Variants in SCTR observed in about 807,000 individuals in gnomAD.
The protein encoded by SCTR is pancreatic secretin receptor.
SCTR carries 56 observed loss-of-function variants against 60.8 expected under a neutral mutation model. The ratio of observed to expected loss-of-function variants is 0.92; its 90% confidence interval spans 0.74 to 1.15. The LOEUF is 1.15. Among genes scored for constraint, SCTR ranks in the 50% most tolerant of loss-of-function variants. The probability of loss-of-function intolerance (pLI) is 0.00; values close to 1 mark genes in which losing one functional copy is unlikely to be tolerated. For missense variants in SCTR, 562 were observed against 550.4 expected (o/e 1.02, Z -0.21); for synonymous variants, 202 against 217.0 (o/e 0.93, Z 0.61).
chr2:119,508,289 ATCCT>A (rs1678816919), intron 1 of SCTR, among the ~76,000 whole-genome samples: 1 of 149,954 alleles, frequency 6.7e-6, no homozygotes, highest in African/African-American at 2.5e-5. Context: ...GACTAAACTT[ATCCT>A]GGAGTTTGCT....
intron 2 of SCTR, among the ~76,000 whole-genome samples, chr2:119,482,752 T>A (rs2104863325): frequency 6.6e-6 from 1 of 152,216 alleles, no homozygotes; most frequent in African/African-American, 2.4e-5. Context: ...CCTACCCAGA[T>A]GCCTGTGGGA....
chr2:119,507,419 C>A (rs564319898), intron 1 of SCTR, among the ~76,000 whole-genome samples: 15 of 152,156 alleles, frequency 9.9e-5, no homozygotes, highest in African/African-American at 3.4e-4. Context: ...GGTAGACAAC[C>A]AATGTGTGTG....
At chr2:119,503,158 CA>C (rs61479294) in intron 1 of SCTR, among the ~76,000 whole-genome samples, 16,853 of 69,338 alleles carry the variant, frequency 0.24, 504 homozygotes, top group East Asian at 0.35. Flanking sequence ...GACTCCATCT[CA>C]AAAAAAAAAA....
In SCTR at chr2:119,478,831, C is replaced by T. The variant is rs754380731; in HGVS notation, c.281G>A (p.Arg94Gln). The change falls in exon 3 of 13, where the codon CGG becomes CAG. Residue 94 changes from arginine (R) to glutamine (Q), a missense_variant. Coordinates refer to ENST00000019103, the MANE Select transcript of SCTR (RefSeq NM_002980.3). ...GTTACCATTTCTGCTGGTGAGCATC[C>T]GGAGGAATCTCGGGCATTCCACCTC... ...MVEVECPRFL[R>Q]MLTSRNGSLF... 1.4e-5 allele frequency: 22 copies of T among 1,614,006 alleles called. No homozygotes were observed. Among genetic ancestry groups the T allele is most frequent in the East Asian group, 6.7e-5 (3 of 44,886 alleles).
intron 12 of SCTR, 118 bp from the exon 13 acceptor site, chr2:119,440,375 C>T (rs1279286431): frequency 1.7e-6 from 2 of 1,190,024 alleles, no homozygotes; most frequent in Non-Finnish European, 2.3e-6. Context: ...TGCCCTGTCC[C>T]CTAGCCTGCA....
chr2:119,447,632 C>T (rs931623169), intron 10 of SCTR, among the ~76,000 whole-genome samples: 9 of 152,268 alleles, frequency 5.9e-5, no homozygotes, highest in African/African-American at 9.6e-5. Flanking sequence ...AGTGCAGTGG[C>T]GCAATCGCGG....
At chr2:119,523,390 C>CGCT (rs1291189897) in intron 1 of SCTR, among the ~76,000 whole-genome samples, 2 of 132,560 alleles carry the variant, frequency 1.5e-5, no homozygotes, top group African/African-American at 2.9e-5. Context: ...CCCATCCTGC[C>CGCT]GCTATTATTA....
At chr2:119,491,313 G>T (rs563689981) in intron 2 of SCTR, among the ~76,000 whole-genome samples, 1 of 152,240 alleles carries the variant, frequency 6.6e-6, no homozygotes, top group African/African-American at 2.4e-5. Flanking sequence ...AGCCCCTGTG[G>T]TCTCATCCTG....
rs572299359 is a variant in SCTR at position 119,478,870 on chromosome 2, G to A, written c.242C>T (p.Pro81Leu). ...GCATTCCACCTCCACCATCCGGCCC[G>A]GCACAGAAGAGGGCCAGCAGCTTAT... is the stretch of plus-strand genomic sequence containing the variant. Reference protein sequence around the residue: ...DNISCWPSSVPGRMVEVECPR... With the variant: ...DNISCWPSSVLGRMVEVECPR... The change falls in exon 3 of 13, where the codon CCG (proline) becomes CTG (leucine). Residue 81 changes from proline (P) to leucine (L), a missense_variant. By Grantham distance (98) the Pro-to-Leu change is moderately conservative. Transcript: ENST00000019103. 4.0e-5 allele frequency: 65 copies of A among 1,614,154 alleles called. No individual in the cohort carries two copies. The highest frequency in any genetic ancestry group is 1.6e-4 in the Middle Eastern group (1 of 6,062).
At chr2:119,460,208 A>G (rs923893315) in intron 7 of SCTR, among the ~76,000 whole-genome samples, 3 of 151,972 alleles carry the variant, frequency 2.0e-5, no homozygotes, top group Non-Finnish European at 4.4e-5. Flanking sequence ...AAGGCAGCAC[A>G]GGGCATTCCT....
intron 1 of SCTR, among the ~76,000 whole-genome samples, chr2:119,499,720 A>G (rs1678468792): frequency 6.6e-6 from 1 of 152,084 alleles, no homozygotes; most frequent in Non-Finnish European, 1.5e-5. Flanking sequence ...TATTTGAGAA[A>G]ATTCAATGTC....
intron 1 of SCTR, among the ~76,000 whole-genome samples, chr2:119,518,557 A>G (rs1041241481): frequency 1.3e-5 from 2 of 152,220 alleles, no homozygotes; most frequent in Non-Finnish European, 2.9e-5. Flanking sequence ...CTTGGAACAG[A>G]CGCACAATGT....
At chr2:119,512,612 G>T (rs941327764) in intron 1 of SCTR, among the ~76,000 whole-genome samples, 10 of 151,904 alleles carry the variant, frequency 6.6e-5, no homozygotes, top group Non-Finnish European at 1.3e-4. Context: ...GGTCAGGCTG[G>T]TCTCCAACTC....
chr2:119,509,996 TTA>T (rs1491274635), intron 1 of SCTR, among the ~76,000 whole-genome samples: 1 of 152,136 alleles, frequency 6.6e-6, no homozygotes, highest in African/African-American at 2.4e-5. Context: ...CTTTTTTTTT[TTA>T]TTTTACTTTA....
At chr2:119,453,243 AC>A in intron 8 of SCTR, 43 bp downstream of exon 8, 1 of 1,422,678 alleles carries the variant, frequency 7.0e-7, no homozygotes, top group Non-Finnish European at 9.9e-7. Context: ...GAAAAGCTGG[AC>A]GATGTCAGAT....
chr2:119,516,249 G>A (rs966982762), intron 1 of SCTR, among the ~76,000 whole-genome samples: 2 of 152,172 alleles, frequency 1.3e-5, no homozygotes, highest in Admixed American at 6.5e-5. Flanking sequence ...TCAGCACCTC[G>A]TAGAGGTACC....
intron 7 of SCTR, among the ~76,000 whole-genome samples, chr2:119,457,093 C>T (rs896407339): frequency 6.6e-6 from 1 of 152,062 alleles, no homozygotes; most frequent in Admixed American, 6.5e-5. Flanking sequence ...GTTAAGATAG[C>T]CTTAGGAACT....
chr2:119,517,049 AC>A (rs1159510371), intron 1 of SCTR, among the ~76,000 whole-genome samples: 4 of 151,994 alleles, frequency 2.6e-5, no homozygotes, highest in Non-Finnish European at 5.9e-5. Flanking sequence ...CTCTTACCAC[AC>A]ACACACACAC....
chr2:119,513,924 T>C (rs1356602115), intron 1 of SCTR, among the ~76,000 whole-genome samples: 1 of 152,234 alleles, frequency 6.6e-6, no homozygotes, highest in East Asian at 1.9e-4. Context: ...TAATTTTACA[T>C]TGAGTTTTGG....
Sources: allele counts gnomAD v4.1 joint callset (sites outside exome capture counted in the v4.1 genomes callset), GRCh38; gene constraint gnomAD v4.1.1; transcripts MANE v1.5; gene names NCBI Gene and HGNC (gene_info 2026-07-23, HGNC 2026-07-21).